Variants in BBOX1 observed in about 807,000 individuals in gnomAD.
BBOX1 encodes gamma-butyrobetaine dioxygenase.
Under a neutral mutation model 41.6 loss-of-function variants are expected in BBOX1, and 35 were observed. That is an observed-to-expected ratio of 0.84 (90% CI 0.64 to 1.11). The LOEUF is 1.11. Ranked by LOEUF, BBOX1 falls within the 50% of genes most tolerant of loss-of-function variation. The pLI is 0.00. For synonymous variants in BBOX1, 163 were observed against 154.7 expected, an observed-to-expected ratio of 1.05 and a Z score of -0.40; for missense variants, 458 against 460.6, an observed-to-expected ratio of 0.99 and a Z score of 0.05.
chr11:27,088,631 G>C (rs781281206), intron 4 of BBOX1, among the ~76,000 whole-genome samples: 1 of 151,984 alleles, frequency 6.6e-6, no homozygotes, highest in Non-Finnish European at 1.5e-5. Flanking sequence ...ATGAGGGACA[G>C]ACTAAGCTAT....
At chr11:27,103,273 A>G (rs1858731852) in intron 5 of BBOX1, among the ~76,000 whole-genome samples, 1 of 152,128 alleles carries the variant, frequency 6.6e-6, no homozygotes, top group Non-Finnish European at 1.5e-5. Flanking sequence ...CTATGTCTTG[A>G]TATTGATTGT....
chr11:27,100,995 C>T (rs186327929), intron 5 of BBOX1, among the ~76,000 whole-genome samples: 3 of 152,166 alleles, frequency 2.0e-5, no homozygotes, highest in African/African-American at 7.2e-5. Flanking sequence ...GCAGTTTACA[C>T]TCATTATTTT....
At chr11:27,043,459 C>CAGCATGTGCAGGTTTGGGGTACAT (rs1564948369) in intron 2 of BBOX1, among the ~76,000 whole-genome samples, 1 of 151,306 alleles carries the variant, frequency 6.6e-6, no homozygotes, top group African/African-American at 2.4e-5. Context: ...TTGGGGTACA[C>CAGCATGTGCAGGTTTGGGGTACAT]GTGCAGAATG....
chr11:27,054,215 G>GTGTGTC (rs1357965908), intron 2 of BBOX1, among the ~76,000 whole-genome samples: 1 of 150,062 alleles, frequency 6.7e-6, no homozygotes, highest in Non-Finnish European at 1.5e-5. Flanking sequence ...CTGTGTGTGT[G>GTGTGTC]TGTGTGTGTG....
At chr11:27,079,960 CGCT>C (rs1465395556) in intron 4 of BBOX1, among the ~76,000 whole-genome samples, 1 of 152,032 alleles carries the variant, frequency 6.6e-6, no homozygotes, top group African/African-American at 2.4e-5. Flanking sequence ...ACTGTTAACC[CGCT>C]GTCCGCACTA....
At chr11:27,078,637 A>G (rs191901254) in intron 4 of BBOX1, among the ~76,000 whole-genome samples, 8 of 152,208 alleles carry the variant, frequency 5.3e-5, no homozygotes, top group South Asian at 2.1e-4. Context: ...CAAGAAGAAC[A>G]CGTGGACACA....
intron 4 of BBOX1, among the ~76,000 whole-genome samples, chr11:27,076,341 G>A (rs952841470): frequency 1.3e-5 from 2 of 152,186 alleles, no homozygotes; most frequent in Non-Finnish European, 2.9e-5. Context: ...TTTCTCAAAT[G>A]CTGGCTGAAG....
intron 2 of BBOX1, among the ~76,000 whole-genome samples, chr11:27,043,299 G>A (rs556590714): frequency 6.6e-6 from 1 of 151,930 alleles, no homozygotes; most frequent in South Asian, 2.1e-4. Context: ...TCCTGACCTC[G>A]TGATCCACCC....
rs553741426 is a variant in BBOX1, at chr11:27,096,745, C to T, written c.533+3379C>T. ...AGTAGATTCCAGCATTTCATGTAGTCTTCATATACAGAAGGCAAGGAATAA... is the reference window on the plus strand; with the variant it reads ...AGTAGATTCCAGCATTTCATGTAGTTTTCATATACAGAAGGCAAGGAATAA... On this transcript the variant is annotated intron_variant, in intron 5 of 8. Transcript: ENST00000263182. Among the ~76,000 whole-genome samples, 118 of 152,072 alleles carry T rather than the reference C, an allele frequency of 7.8e-4. 1 individual carries two copies. Among genetic ancestry groups the T allele is most frequent in the African/African-American group, 2.8e-3 (116 of 41,518 alleles).
chr11:27,083,121 T>A (rs1442940), intron 4 of BBOX1, among the ~76,000 whole-genome samples: 2 of 152,186 alleles, frequency 1.3e-5, no homozygotes, highest in African/African-American at 4.8e-5. Flanking sequence ...TATGTATTTC[T>A]TCATCTTTTA....
At chr11:27,125,457 T>G (rs1859618307) in intron 7 of BBOX1, among the ~76,000 whole-genome samples, 197 bp from the exon 8 acceptor site, 1 of 151,562 alleles carries the variant, frequency 6.6e-6, no homozygotes, top group South Asian at 2.1e-4. Flanking sequence ...GGTAGTAAGA[T>G]TTAGAAAAAA....
At position 27,115,077 on chromosome 11, in the gene BBOX1, C is replaced by T. The variant is rs910546463; in HGVS notation, c.534-375C>T. ...GGTGGTTGCCAACAGTGCGAATTTA[C>T]TAAATGCCACTGAATTGTTCACTTT... On this transcript the variant is annotated intron_variant, in intron 5 of 8. Coordinates refer to ENST00000263182, the MANE Select transcript of BBOX1 (RefSeq NM_003986.3). 4.6e-5 allele frequency among the ~76,000 whole-genome samples: 7 copies of T among 151,976 alleles called. 1 individual carries two copies. Among genetic ancestry groups the T allele is most frequent in the South Asian group, 2.1e-4 (1 of 4,824 alleles).
At chr11:27,061,641 C>T (rs1055467635) in intron 4 of BBOX1, among the ~76,000 whole-genome samples, 1 of 152,138 alleles carries the variant, frequency 6.6e-6, no homozygotes, top group Non-Finnish European at 1.5e-5. Flanking sequence ...GCAAGCATAA[C>T]CCTTGGAGTG....
At chr11:27,068,118 G>A (rs1488576983) in intron 4 of BBOX1, among the ~76,000 whole-genome samples, 1 of 152,036 alleles carries the variant, frequency 6.6e-6, no homozygotes, top group Non-Finnish European at 1.5e-5. Context: ...GGATTGAATA[G>A]TAGTTCTACT....
At chr11:27,115,763 AAAC>A (rs542428675) in intron 6 of BBOX1, among the ~76,000 whole-genome samples, 28 of 152,012 alleles carry the variant, frequency 1.8e-4, no homozygotes, top group African/African-American at 5.8e-4. Flanking sequence ...CATTCATTTA[AAAC>A]AACAACAACA....
intron 4 of BBOX1, among the ~76,000 whole-genome samples, chr11:27,070,042 G>T (rs943266309): frequency 6.6e-6 from 1 of 152,102 alleles, no homozygotes; most frequent in Non-Finnish European, 1.5e-5. Context: ...TTTAAGAGAA[G>T]ATTGTTTAAT....
At chr11:27,054,545 G>A (rs1416090274) in intron 2 of BBOX1, among the ~76,000 whole-genome samples, 5 of 151,964 alleles carry the variant, frequency 3.3e-5, no homozygotes, top group Admixed American at 2.6e-4. Context: ...ATAATACCAC[G>A]GTGTCTCTGT....
At chr11:27,041,764 A>C (rs1324064158) in intron 2 of BBOX1, among the ~76,000 whole-genome samples, 1 of 152,146 alleles carries the variant, frequency 6.6e-6, no homozygotes, top group African/African-American at 2.4e-5. Context: ...TCTGATAGTC[A>C]AATTACTTTA....
At position 27,115,458 on chromosome 11, in the gene BBOX1, T is replaced by G. The variant is rs745969550; in HGVS notation, c.540T>G (p.Thr180=). The G allele has an allele frequency of 3.1e-6, 5 of 1,608,822 alleles. No homozygotes were observed. The highest frequency in any genetic ancestry group is 4.2e-6 in the Non-Finnish European group (5 of 1,177,240). ...TGTTTCTTGCATTTTACAGACATAC[T>G]TGGCAAGTGCAAGACAAAATCGATG... ...GFLYLTFYGH[T]WQVQDKIDAN... is the part of the protein sequence containing the mutation. Residue 180 remains threonine, a synonymous_variant, in exon 6 of 9, where the codon ACT becomes ACG. Transcript: ENST00000263182.
Sources: gnomAD v4.1 joint callset for allele counts (sites outside exome capture counted in the v4.1 genomes callset) on GRCh38, gnomAD v4.1.1 for gene constraint, MANE v1.5 for transcripts, NCBI Gene and HGNC (gene_info 2026-07-23, HGNC 2026-07-21) for gene names.